ZNF670: variants seen among roughly 807,000 people sequenced by gnomAD.
The protein encoded by ZNF670 is zinc finger protein 670.
Under a neutral mutation model 10.9 loss-of-function variants are expected in ZNF670, and 7 were observed. The observed-to-expected ratio is 0.64, with a 90% CI of 0.36 to 1.20. ZNF670 has a LOEUF of 1.20. Ranked by LOEUF, ZNF670 falls within the 50% of genes most tolerant of loss-of-function variation. The pLI is 0.02. For synonymous variants in ZNF670, 136 were observed against 152.7 expected (o/e 0.89, Z 0.81); for missense variants, 446 against 458.6 (o/e 0.97, Z 0.25).
intron 1 of ZNF670, among the ~76,000 whole-genome samples, chr1:247,073,544 G>T (rs576668368): frequency 5.3e-5 from 8 of 152,300 alleles, no homozygotes; most frequent in Non-Finnish European, 1.0e-4. Context: ...TCACAGTGAG[G>T]AAATGCTTTC....
Position 247,038,325 on chromosome 1 carries a change from A to G in ZNF670, c.294T>C (p.Thr98=). 6.2e-7 allele frequency: 1 copy of G among 1,614,200 alleles called. No homozygotes were observed. Among genetic ancestry groups the G allele is most frequent in the Non-Finnish European group, 8.5e-7 (1 of 1,180,022 alleles). ...CACTGCATTCACATGGCTTTACTCC[A>G]GTAGAAACTTTCTTATTCAGATTCA... ...SNLNLNKKVS[T]GVKPCECSVC... is the part of the protein sequence containing the mutation. The change falls in exon 4 of 4, where the codon ACT becomes ACC. Residue 98 remains threonine (T), a synonymous_variant. Transcript: ENST00000366503.
chr1:247,046,765 C>T (rs376214459), intron 1 of ZNF670, among the ~76,000 whole-genome samples: 208 of 152,224 alleles, frequency 1.4e-3, no homozygotes, highest in African/African-American at 4.8e-3. Context: ...GGTACAGCCA[C>T]AAGCAGAAAG....
chr1:247,055,891 C>A (rs1670703215), intron 1 of ZNF670, among the ~76,000 whole-genome samples: 2 of 151,830 alleles, frequency 1.3e-5, no homozygotes, highest in Non-Finnish European at 2.9e-5. Flanking sequence ...AAATTTCAAA[C>A]AAAAACTATA....
Position 247,038,849 on chromosome 1 carries a change from T to G in ZNF670, c.152A>C (p.Asn51Thr). Residue 51 changes from asparagine to threonine, a missense_variant, in exon 3 of 4, where the codon AAT (asparagine) becomes ACT (threonine). Asn to Thr is a moderately conservative substitution (Grantham distance 65, BLOSUM62 0). Coordinates refer to ENST00000366503, the MANE Select transcript of ZNF670 (RefSeq NM_033213.5). ...ASVGNKSEDQ[N>T]IQDDFKNPGR... Reference sequence around the variant, plus strand: ...AGGATTTTTGAAGTCATCTTGGATATTCTGGTCTTCTGATTTGTTTCCTAA... The same window carrying G: ...AGGATTTTTGAAGTCATCTTGGATAGTCTGGTCTTCTGATTTGTTTCCTAA... The G allele has an allele frequency of 6.2e-7, 1 of 1,612,808 alleles. No homozygotes were observed. The highest frequency in any genetic ancestry group is 1.1e-5 in the South Asian group (1 of 90,972).
At chr1:247,065,803 G>A (rs776057287) in intron 1 of ZNF670, among the ~76,000 whole-genome samples, 4 of 152,258 alleles carry the variant, frequency 2.6e-5, no homozygotes, top group Admixed American at 6.5e-5. Context: ...GTATTTGTAA[G>A]GAATAAACAC....
At chr1:247,047,047 G>T (rs1164479138) in intron 1 of ZNF670, among the ~76,000 whole-genome samples, 1 of 152,190 alleles carries the variant, frequency 6.6e-6, no homozygotes, top group Admixed American at 6.5e-5. Context: ...GGACTCTCAT[G>T]GCCTTGGGCA....
rs530121913 is a variant in ZNF670, at chr1:247,047,362, G to A, written c.4-7825C>T. Among the ~76,000 whole-genome samples, 9 of 151,626 alleles carry A rather than the reference G, an allele frequency of 5.9e-5. 1 individual carries two copies. The South Asian group carries it at 1.9e-3, about 32-fold the overall frequency. On this transcript the variant is annotated intron_variant, in intron 1 of 3. Coordinates refer to ENST00000366503, the MANE Select transcript of ZNF670 (RefSeq NM_033213.5). Reference sequence around the variant, plus strand: ...GTATTTCCATACATCCTCTGGAATTGTGGCAGAGGTTCCCAAACCTCAATT... The same window carrying A: ...GTATTTCCATACATCCTCTGGAATTATGGCAGAGGTTCCCAAACCTCAATT...
chr1:247,051,828 C>T (rs565399544), intron 1 of ZNF670, among the ~76,000 whole-genome samples: 57 of 148,052 alleles, frequency 3.8e-4, no homozygotes, highest in African/African-American at 1.4e-3. Flanking sequence ...ATTTGAAAGC[C>T]TTGTCTTCAA....
intron 1 of ZNF670, among the ~76,000 whole-genome samples, chr1:247,072,804 GTATATATATATATATATA>G (rs74163726): frequency 0.094 from 4,483 of 47,700 alleles, 370 homozygotes; most frequent in Admixed American, 0.12. Context: ...AAAAGTGTGT[GTATATATATATATATATA>G]TATATATATA....
intron 1 of ZNF670, among the ~76,000 whole-genome samples, chr1:247,040,084 T>C (rs1021032296): frequency 6.6e-5 from 10 of 152,200 alleles, no homozygotes; most frequent in Non-Finnish European, 1.2e-4. Flanking sequence ...GCCTACTACT[T>C]TACTCCATTC....
chr1:247,068,829 C>CAAAAAAAA (rs35582452), intron 1 of ZNF670, among the ~76,000 whole-genome samples: 22 of 85,586 alleles, frequency 2.6e-4, no homozygotes, highest in South Asian at 4.1e-4. Context: ...ACTATTTTGC[C>CAAAAAAAA]AAAAAAAAAA....
chr1:247,063,579 A>T (rs1249954393), intron 1 of ZNF670, among the ~76,000 whole-genome samples: 2 of 65,318 alleles, frequency 3.1e-5, no homozygotes, highest in Non-Finnish European at 6.2e-5. Flanking sequence ...CGAGACACCA[A>T]AAAAAAAAAA....
rs180729868 is a variant in ZNF670 at position 247,063,456 on chromosome 1, G to A, written c.3+15138C>T. 2.4e-4 allele frequency among the ~76,000 whole-genome samples: 37 copies of A among 151,888 alleles called. No homozygotes were observed. In the East Asian group the frequency reaches 3.1e-3, roughly 13 times the overall value. ...AAATTAGCCAGGTGTGGTGGTGGGC[G>A]CCTGTAGTCCCAGCTACTTGGGAGG... On this transcript the variant is annotated intron_variant, in intron 1 of 3. Coordinates refer to ENST00000366503, the MANE Select transcript of ZNF670 (RefSeq NM_033213.5).
intron 1 of ZNF670, among the ~76,000 whole-genome samples, chr1:247,063,501 T>G (rs1409616586): frequency 7.0e-6 from 1 of 143,876 alleles, no homozygotes; most frequent in Non-Finnish European, 1.5e-5. Context: ...GAGAATGGCG[T>G]GAACCCAGGA....
chr1:247,072,558 G>A (rs61852640), intron 1 of ZNF670, among the ~76,000 whole-genome samples: 13,983 of 151,420 alleles, frequency 0.092, 749 homozygotes, highest in South Asian at 0.19. Context: ...GCCAAGGCGG[G>A]AGGATCACCT....
chr1:247,043,651 G>C, intron 1 of ZNF670: 1 of 533,458 alleles, frequency 1.9e-6, no homozygotes, highest in Non-Finnish European at 3.7e-6. Flanking sequence ...CCTGGCTGCA[G>C]TGGGAGATTA....
chr1:247,058,913 G>A (rs574904029), intron 1 of ZNF670, among the ~76,000 whole-genome samples: 6 of 152,254 alleles, frequency 3.9e-5, no homozygotes, highest in African/African-American at 1.4e-4. Flanking sequence ...GGACAAGGCT[G>A]AAGACCCAGA....
chr1:247,076,350 AG>A (rs1302999644), intron 1 of ZNF670, among the ~76,000 whole-genome samples: 1 of 148,484 alleles, frequency 6.7e-6, no homozygotes, highest in Non-Finnish European at 1.5e-5. Flanking sequence ...TCTGCCTCCT[AG>A]GTTCACGCCA....
rs1335405727 is a variant in ZNF670, at chr1:247,039,478, CA to C, written c.62del (p.Leu21ArgfsTer12). 6.2e-7 allele frequency: 1 copy of C among 1,606,748 alleles called. No individual in the cohort carries two copies. Among genetic ancestry groups the C allele is most frequent in the Non-Finnish European group, 8.5e-7 (1 of 1,177,160 alleles). ...VAFTQEEWAL[L>X]DPSQKNLYRD... ...TGTAGAGATTCTTTTGAGAAGGATC[CA>C]GCAAAGCCCACTCCTCCTGAGTAAA... On this transcript the variant is annotated frameshift_variant, in exon 2 of 4. Transcript: ENST00000366503. LOFTEE classifies it high-confidence loss of function.
Sources: gnomAD v4.1 joint callset for allele counts (sites outside exome capture counted in the v4.1 genomes callset) on GRCh38, gnomAD v4.1.1 for gene constraint, MANE v1.5 for transcripts, NCBI Gene and HGNC (gene_info 2026-07-23, HGNC 2026-07-21) for gene names.